The following TRPA1 variants were observed in gnomAD, a reference collection of about 807,000 sequenced individuals.
The protein encoded by TRPA1 is transient receptor potential cation channel subfamily A member 1.
A neutral mutation model predicts 131.3 loss-of-function variants in TRPA1; 129 were observed. That is an observed-to-expected ratio of 0.98 (90% CI 0.85 to 1.14). The LOEUF is 1.14. TRPA1 is among the 50% of genes most tolerant of loss of function. TRPA1 has a pLI of 0.00. For synonymous variants in TRPA1, 441 were observed against 451.7 expected (o/e 0.98, Z 0.30); for missense variants, 1,304 against 1,354.2 (o/e 0.96, Z 0.58).
At position 72,036,812 on chromosome 8, in the gene TRPA1, C is replaced by T. The variant is rs184278036; in HGVS notation, c.2386-355G>A. Among the ~76,000 whole-genome samples the T allele has an allele frequency of 3.1e-3, 478 of 152,294 alleles. 6 individuals carry two copies. Among genetic ancestry groups the T allele is most frequent in the African/African-American group, 0.011 (460 of 41,562 alleles). The stretch of plus-strand genomic sequence containing the variant: ...TGGGGCCTTTCTATCCGTATAACAA[C>T]ATGAATGTGGAGCTCTCTTTATGAA... On this transcript the variant is annotated intron_variant, in intron 20 of 26. Coordinates refer to ENST00000262209, the MANE Select transcript of TRPA1 (RefSeq NM_007332.3).
At chr8:72,057,564 G>A (rs1805700159) in intron 9 of TRPA1, among the ~76,000 whole-genome samples, 153 bp downstream of exon 9, 4 of 152,172 alleles carry the variant, frequency 2.6e-5, no homozygotes, top group Admixed American at 2.6e-4. Flanking sequence ...CATGAAAACT[G>A]TTCTGTTTAT....
chr8:72,032,547 T>A (rs1445466532), intron 23 of TRPA1, among the ~76,000 whole-genome samples: 3 of 152,162 alleles, frequency 2.0e-5, no homozygotes, highest in African/African-American at 2.4e-5. Context: ...GCTCTGTTGG[T>A]TTTGATTTTC....
chr8:72,037,846 G>A (rs1033269340), intron 20 of TRPA1, 137 bp downstream of exon 20: 1 of 642,948 alleles, frequency 1.6e-6, no homozygotes, highest in Non-Finnish European at 2.8e-6. Context: ...ATTTATGCTT[G>A]GTGTTTCTAA....
chr8:72,036,504 T>C lies in TRPA1; in HGVS notation c.2386-47A>G, dbSNP rs1489548101. ...AATTACCACATATAGAGACCTAGCATCTATGGATGGTTATATACATGCACC... is the reference window on the plus strand; with the variant it reads ...AATTACCACATATAGAGACCTAGCACCTATGGATGGTTATATACATGCACC... On this transcript the variant is annotated intron_variant, in intron 20 of 26. Transcript: ENST00000262209. 2.6e-6 allele frequency: 4 copies of C among 1,551,580 alleles called. No individual in the cohort carries two copies. The South Asian group carries it at 3.4e-5, about 13-fold the overall frequency.
chr8:72,032,041 G>C (rs1468107881), intron 23 of TRPA1, among the ~76,000 whole-genome samples: 1 of 152,144 alleles, frequency 6.6e-6, no homozygotes, highest in South Asian at 2.1e-4. Context: ...GGAAGAGCCT[G>C]TACAGAGTCT....
At chr8:72,053,514 T>C in intron 13 of TRPA1, 1 of 532,762 alleles carries the variant, frequency 1.9e-6, no homozygotes, top group East Asian at 3.5e-5. Context: ...CATTGGCCTG[T>C]GGACCTCGCT....
intron 2 of TRPA1, 34 bp downstream of exon 2, chr8:72,071,677 G>A (rs1321196853): frequency 1.2e-6 from 2 of 1,609,202 alleles, no homozygotes; most frequent in Non-Finnish European, 1.7e-6. Context: ...TGGGATGAAT[G>A]ATTTCTGGAA....
At chr8:72,032,079 A>G (rs1585841545) in intron 23 of TRPA1, among the ~76,000 whole-genome samples, 1 of 152,340 alleles carries the variant, frequency 6.6e-6, no homozygotes, top group African/African-American at 2.4e-5. Context: ...GTGTGGCACA[A>G]TCATGGAGTG....
Position 72,038,894 on chromosome 8 carries a change from T to C in TRPA1, c.2266A>G (p.Ser756Gly). 1 of 1,612,802 alleles carries C rather than the reference T, an allele frequency of 6.2e-7. No homozygotes were observed. Among genetic ancestry groups the C allele is most frequent in the Non-Finnish European group, 8.5e-7 (1 of 1,179,260 alleles). The change falls in exon 19 of 27, where the codon AGT (serine) becomes GGT (glycine). Residue 756 changes from serine (S) to glycine (G), a missense_variant. Transcript: ENST00000262209. ...GTATCTAGTATTTCTGAATGATCAC[T>C]AGTTTCATTGATGATGCCAGTTGAG... ...FNSTGIINETSDHSEILDTTN... is the reference protein window; with the variant it reads ...FNSTGIINETGDHSEILDTTN...
chr8:72,083,213 A>T, the TRPA1 span, among the ~76,000 whole-genome samples: 1 of 152,100 alleles, frequency 6.6e-6, no homozygotes, highest in Non-Finnish European at 1.5e-5. Flanking sequence ...CATTCTTTGA[A>T]AATGTTTTCT....
intron 3 of TRPA1, among the ~76,000 whole-genome samples, chr8:72,067,317 T>C (rs1805955792): frequency 6.6e-6 from 1 of 152,200 alleles, no homozygotes; most frequent in Non-Finnish European, 1.5e-5. Flanking sequence ...TCTATTCCTG[T>C]CATCTCTGGT....
chr8:72,036,221 T>C (rs564903420), intron 21 of TRPA1, 67 bp downstream of exon 21: 67 of 1,531,880 alleles, frequency 4.4e-5, no homozygotes, highest in East Asian at 9.0e-5. Flanking sequence ...TTACACCAGG[T>C]ACAATAGTTT....
In TRPA1 at chr8:72,050,394, G is replaced by A. The variant is rs768144639; in HGVS notation, c.1905+384C>T. ...AGATATTTGGAGGAAAATATAACTG[G>A]AAGAAACCAGATACCTTAAGGAAAG... On this transcript the variant is annotated intron_variant, in intron 15 of 26. Coordinates refer to ENST00000262209, the MANE Select transcript of TRPA1 (RefSeq NM_007332.3). Among the ~76,000 whole-genome samples the A allele has an allele frequency of 3.3e-5, 5 of 152,026 alleles. 1 individual carries two copies. Among genetic ancestry groups the A allele is most frequent in the Non-Finnish European group, 7.4e-5 (5 of 68,004 alleles).
chr8:72,024,416 C>T (rs1811510217), intron 25 of TRPA1, among the ~76,000 whole-genome samples: 1 of 152,094 alleles, frequency 6.6e-6, no homozygotes, highest in Non-Finnish European at 1.5e-5. Flanking sequence ...GTGAAATGAT[C>T]AAGAATGAGG....
intron 13 of TRPA1, chr8:72,053,007 A>AGAGAGAGAGAGAG (rs1805559274): frequency 4.5e-6 from 1 of 223,454 alleles, no homozygotes; most frequent in African/African-American, 2.8e-5. Flanking sequence ...GAGATAGAGA[A>AGAGAGAGAGAGAG]AGAGAGAGAG....
chr8:72,050,448 T>C (rs1415453213), intron 15 of TRPA1, among the ~76,000 whole-genome samples: 2 of 152,184 alleles, frequency 1.3e-5, no homozygotes, highest in South Asian at 2.1e-4. Context: ...TAGCAATTCA[T>C]GCACATTTGA....
rs117464670 is a variant in TRPA1, at chr8:72,053,741, C to G, written c.1644+12G>C. The G allele has an allele frequency of 8.8e-6, 14 of 1,595,058 alleles. No individual in the cohort carries two copies. Among genetic ancestry groups the G allele is most frequent in the African/African-American group, 1.3e-5 (1 of 74,590 alleles). On this transcript the variant is annotated intron_variant, in intron 13 of 26. Coordinates refer to ENST00000262209, the MANE Select transcript of TRPA1 (RefSeq NM_007332.3). ...TGAGATTTTGGGTAAGCATGAGGAC[C>G]GCAGTACATACCCCGTCTTCATCCA...
At chr8:72,087,796 G>T in the TRPA1 span, among the ~76,000 whole-genome samples, 1 of 151,862 alleles carries the variant, frequency 6.6e-6, no homozygotes, top group African/African-American at 2.4e-5. Context: ...AATAATGTTA[G>T]TTCCTTCTAA....
At chr8:72,024,243 T>G (rs540216709) in intron 25 of TRPA1, among the ~76,000 whole-genome samples, 8 of 152,334 alleles carry the variant, frequency 5.3e-5, no homozygotes, top group Admixed American at 3.9e-4. Context: ...CTATACGAGA[T>G]TCATTGTTAA....
Sources: allele counts gnomAD v4.1 joint callset (sites outside exome capture counted in the v4.1 genomes callset), GRCh38; gene constraint gnomAD v4.1.1; transcripts MANE v1.5; gene names NCBI Gene and HGNC (gene_info 2026-07-23, HGNC 2026-07-21).